RELN: variants seen among roughly 807,000 people sequenced by gnomAD.
RELN encodes the protein reelin.
A neutral mutation model predicts 427.6 loss-of-function variants in RELN; 108 were observed. That is an observed-to-expected ratio of 0.25 (90% confidence interval 0.22 to 0.30). The LOEUF (loss-of-function observed/expected upper bound fraction) is 0.30. Ranked by LOEUF, RELN falls within the 10% of genes least tolerant of loss-of-function variation. RELN has a pLI of 1.00. For synonymous variants in RELN, 1,524 were observed against 1,513.4 expected (o/e 1.01, Z -0.16); for missense variants, 3,715 against 4,302.8 (o/e 0.86, Z 3.82).
chr7:103,856,204 T>G (rs1231821496), intron 2 of RELN, among the ~76,000 whole-genome samples: 2 of 152,080 alleles, frequency 1.3e-5, no homozygotes, highest in Non-Finnish European at 2.9e-5. Flanking sequence ...CAAGGTATAA[T>G]AGAATATAAT....
intron 8 of RELN, among the ~76,000 whole-genome samples, chr7:103,705,543 A>G (rs1392973847): frequency 1.3e-5 from 2 of 152,234 alleles, no homozygotes. Context: ...AGAAGTCTAC[A>G]TGATAATGAA....
At chr7:103,905,793 G>A (rs993335092) in intron 2 of RELN, among the ~76,000 whole-genome samples, 3 of 152,178 alleles carry the variant, frequency 2.0e-5, no homozygotes, top group Admixed American at 6.5e-5. Context: ...TTGGTAGCTT[G>A]TTAGAGGTGA....
chr7:103,980,115 A>G (rs1404469473), intron 1 of RELN, among the ~76,000 whole-genome samples: 1 of 151,874 alleles, frequency 6.6e-6, no homozygotes, highest in African/African-American at 2.4e-5. Flanking sequence ...ACGGAAGATC[A>G]TGCCATTGCA....
intron 1 of RELN, among the ~76,000 whole-genome samples, chr7:103,972,379 G>A (rs1334428416): frequency 2.0e-5 from 3 of 152,312 alleles, no homozygotes; most frequent in Non-Finnish European, 1.5e-5. Context: ...TTCCTCCCTT[G>A]CGCTGGAAGA....
At chr7:103,912,572 GTT>G (rs894350081) in intron 2 of RELN, among the ~76,000 whole-genome samples, 5 of 151,978 alleles carry the variant, frequency 3.3e-5, no homozygotes, top group African/African-American at 7.3e-5. Context: ...AATTACAAGA[GTT>G]TAAGTAAAAA....
chr7:103,706,709 G>A (rs1384508594), intron 8 of RELN, among the ~76,000 whole-genome samples: 1 of 151,582 alleles, frequency 6.6e-6, no homozygotes, highest in African/African-American at 2.4e-5. Flanking sequence ...TCTATGTGCT[G>A]CTGCTTCTAC....
At chr7:103,559,270 C>G (rs1830589980) in intron 36 of RELN, among the ~76,000 whole-genome samples, 1 of 152,112 alleles carries the variant, frequency 6.6e-6, no homozygotes, top group Non-Finnish European at 1.5e-5. Flanking sequence ...GTTTATTAAA[C>G]TATCTTTTGG....
intron 1 of RELN, among the ~76,000 whole-genome samples, chr7:103,954,024 TGGATCACTTGA>T (rs1039685872): frequency 6.6e-5 from 10 of 151,658 alleles, no homozygotes; most frequent in African/African-American, 2.2e-4. Context: ...CAGAGGTGGG[TGGATCACTTGA>T]GGTCAAGAGT....
In RELN at chr7:103,914,242, C is replaced by G. The variant is rs191750419; in HGVS notation, c.337+2833G>C. 9.2e-5 allele frequency among the ~76,000 whole-genome samples: 14 copies of G among 152,186 alleles called. No individual in the cohort carries two copies. In the East Asian group the frequency reaches 2.7e-3, roughly 29 times the overall value. On this transcript the variant is annotated intron_variant, in intron 2 of 64. Coordinates refer to ENST00000428762, the MANE Select transcript of RELN (RefSeq NM_005045.4). ...ATGATATATGCATTTTATATGTTCT[C>G]TCAAAATGTGCTTACAACACACTTA...
chr7:103,920,575 T>TTG (rs1795593207), intron 1 of RELN, among the ~76,000 whole-genome samples: 1 of 112,696 alleles, frequency 8.9e-6, no homozygotes, highest in African/African-American at 4.4e-5. Flanking sequence ...TGGTTTTTTT[T>TTG]TTTGTTTTTT....
chr7:103,702,160 AC>A (rs1376395744), intron 8 of RELN, among the ~76,000 whole-genome samples: 2 of 152,252 alleles, frequency 1.3e-5, no homozygotes, highest in African/African-American at 4.8e-5. Flanking sequence ...ACCTTATGCT[AC>A]TTTAATTGTT....
chr7:103,651,582 T>C, intron 15 of RELN, 79 bp downstream of exon 15: 2 of 1,432,858 alleles, frequency 1.4e-6, no homozygotes, highest in African/African-American at 1.4e-5. Flanking sequence ...ACAAAAATGC[T>C]AATTTCAGGA....
rs57282777 is a variant in RELN at position 103,920,593 on chromosome 7, T to TTTTA, written c.227-3409_227-3408insTAAA. On this transcript the variant is annotated intron_variant, in intron 1 of 64. Coordinates refer to ENST00000428762, the MANE Select transcript of RELN (RefSeq NM_005045.4). Reference sequence around the variant, plus strand: ...TTTTTTTTTTTGTTTTTTTTTTTTTTGAGAGAGTCTCGCTCTCTTACCCAG... The same window carrying TTTTA: ...TTTTTTTTTTTGTTTTTTTTTTTTTTTTTAGAGAGAGTCTCGCTCTCTTACCCAG... 4.2e-4 allele frequency among the ~76,000 whole-genome samples: 54 copies of TTTTA among 129,392 alleles called. 1 individual carries two copies. The highest frequency in any genetic ancestry group is 1.4e-3 in the African/African-American group (46 of 32,846). The allele number at this position is 129,392 out of a possible 152,430, so 84.9% of individuals were successfully genotyped here. A position where few individuals can be genotyped will look rare whatever the true frequency, so the allele number is the denominator to read the frequency against.
intron 48 of RELN, 110 bp downstream of exon 48, chr7:103,521,911 AG>A (rs1460753255): frequency 1.9e-6 from 2 of 1,058,176 alleles, no homozygotes; most frequent in Admixed American, 3.5e-5. Flanking sequence ...TTGTACATTT[AG>A]GGTAACTAAC....
rs781453842 is a variant in RELN, at chr7:103,566,770, A to G, written c.4589-11T>C. On this transcript the variant is annotated splice_polypyrimidine_tract_variant and intron_variant, in intron 31 of 64. Transcript: ENST00000428762. ...ACTGAACAATAAGCCCTGAGTTAAA[A>G]GACATAAATCCAGTTATTTGGACAC... The G allele has an allele frequency of 1.9e-6, 3 of 1,613,560 alleles. No individual in the cohort carries two copies. The highest frequency in any genetic ancestry group is 1.3e-5 in the African/African-American group (1 of 74,902).
chr7:103,817,398 G>T (rs1315001065), intron 3 of RELN, among the ~76,000 whole-genome samples: 1 of 152,156 alleles, frequency 6.6e-6, no homozygotes, highest in African/African-American at 2.4e-5. Flanking sequence ...TAAATATGTG[G>T]CCAGGCCCTC....
intron 6 of RELN, among the ~76,000 whole-genome samples, chr7:103,746,944 G>T (rs1249321278): frequency 6.6e-6 from 1 of 152,060 alleles, no homozygotes; most frequent in Non-Finnish European, 1.5e-5. Context: ...AAATCATGCT[G>T]CTACAAAGAC....
intron 28 of RELN, among the ~76,000 whole-genome samples, chr7:103,587,115 C>A (rs1210851554): frequency 6.6e-6 from 1 of 152,184 alleles, no homozygotes; most frequent in African/African-American, 2.4e-5. Context: ...CATCACCTTA[C>A]CTGACTTCAA....
At chr7:103,923,590 A>C (rs1237576927) in intron 1 of RELN, among the ~76,000 whole-genome samples, 1 of 152,214 alleles carries the variant, frequency 6.6e-6, no homozygotes, top group Non-Finnish European at 1.5e-5. Flanking sequence ...AATTCAGTTT[A>C]TTCCAGGAAC....
Sources: gnomAD v4.1 joint callset for allele counts (sites outside exome capture counted in the v4.1 genomes callset) on GRCh38, gnomAD v4.1.1 for gene constraint, MANE v1.5 for transcripts, NCBI Gene and HGNC (gene_info 2026-07-23, HGNC 2026-07-21) for gene names.